The following SOBP variants were observed in gnomAD, a reference collection of about 807,000 sequenced individuals.
The protein encoded by SOBP is sine oculis-binding protein homolog.
Under a neutral mutation model 53.6 loss-of-function variants are expected in SOBP, and 4 were observed. The observed-to-expected ratio is 0.07, with a 90% confidence interval of 0.04 to 0.17. SOBP has a LOEUF of 0.17. Ranked by LOEUF, SOBP falls within the 10% of genes least tolerant of loss-of-function variation. The probability of loss-of-function intolerance (pLI) is 1.00; values close to 1 mark genes in which losing one functional copy is unlikely to be tolerated. For missense variants in SOBP, 1,088 were observed against 1,204.7 expected, an observed-to-expected ratio of 0.90 and a Z score of 1.43; for synonymous variants, 584 against 522.6, an observed-to-expected ratio of 1.12 and a Z score of -1.60.
chr6:107,530,914 T>G (rs1205964254), intron 3 of SOBP, among the ~76,000 whole-genome samples: 2 of 152,246 alleles, frequency 1.3e-5, no homozygotes, highest in Non-Finnish European at 2.9e-5. Context: ...CGTTTATTTG[T>G]TAGGTCCTTT....
At chr6:107,553,298 T>TTTTATTTA (rs750735550) in intron 4 of SOBP, among the ~76,000 whole-genome samples, 9,331 of 139,352 alleles carry the variant, frequency 0.067, 379 homozygotes, top group East Asian at 0.12. Context: ...CTTATTATTA[T>TTTTATTTA]TTTATTTATT....
At chr6:107,656,759 G>A (rs571288287) in intron 6 of SOBP, among the ~76,000 whole-genome samples, 1 of 152,124 alleles carries the variant, frequency 6.6e-6, no homozygotes, top group Non-Finnish European at 1.5e-5. Context: ...CAAGCTTCCA[G>A]GTCTCTTTGT....
chr6:107,525,482 T>C (rs1464628059), intron 3 of SOBP, among the ~76,000 whole-genome samples: 1 of 152,224 alleles, frequency 6.6e-6, no homozygotes, highest in Admixed American at 6.5e-5. Flanking sequence ...GGAAGGGACA[T>C]TGACTGTAAA....
At chr6:107,535,622 TG>T (rs1562596442) in intron 4 of SOBP, among the ~76,000 whole-genome samples, 1 of 148,252 alleles carries the variant, frequency 6.7e-6, no homozygotes, top group African/African-American at 2.6e-5. Context: ...CTTGTGTGTG[TG>T]TGTGTGTGTG....
chr6:107,585,746 T>TAG (rs1785546362), intron 4 of SOBP, among the ~76,000 whole-genome samples: 2 of 152,186 alleles, frequency 1.3e-5, no homozygotes, highest in African/African-American at 4.8e-5. Flanking sequence ...TTCCATCTAG[T>TAG]TCCCTCCCTG....
intron 3 of SOBP, among the ~76,000 whole-genome samples, chr6:107,520,135 A>G (rs1223810024): frequency 1.3e-5 from 2 of 152,246 alleles, no homozygotes; most frequent in Admixed American, 6.5e-5. Context: ...TGTCAGCCAA[A>G]GAATTTTCTA....
intron 3 of SOBP, among the ~76,000 whole-genome samples, chr6:107,512,612 C>G (rs2114958980): frequency 6.6e-6 from 1 of 152,300 alleles, no homozygotes; most frequent in Non-Finnish European, 1.5e-5. Flanking sequence ...TTTGGGTCTC[C>G]CCACCTTGTC....
intron 4 of SOBP, among the ~76,000 whole-genome samples, chr6:107,538,339 C>G (rs1228790511): frequency 6.6e-6 from 1 of 152,126 alleles, no homozygotes; most frequent in Non-Finnish European, 1.5e-5. Context: ...CTTTAAATAC[C>G]TGCAAGATTT....
At chr6:107,507,583 G>C (rs1307495580) in intron 3 of SOBP, among the ~76,000 whole-genome samples, 1 of 152,156 alleles carries the variant, frequency 6.6e-6, no homozygotes, top group Non-Finnish European at 1.5e-5. Context: ...TGGGATTACA[G>C]GTGTGAGCCA....
chr6:107,596,640 C>T (rs1048533219), intron 5 of SOBP, among the ~76,000 whole-genome samples: 4 of 152,300 alleles, frequency 2.6e-5, no homozygotes, highest in Middle Eastern at 3.4e-3. Context: ...TTACTTTTGC[C>T]TTGATTTTCC....
intron 4 of SOBP, among the ~76,000 whole-genome samples, chr6:107,569,663 C>T (rs185177903): frequency 6.6e-5 from 10 of 152,282 alleles, no homozygotes; most frequent in East Asian, 3.9e-4. Context: ...CGGCTGGGCC[C>T]GGAGATAAAA....
chr6:107,518,872 A>G (rs920312157), intron 3 of SOBP, among the ~76,000 whole-genome samples: 1 of 152,096 alleles, frequency 6.6e-6, no homozygotes, highest in African/African-American at 2.4e-5. Context: ...AATTTAAGCA[A>G]CTAAGCCCTA....
Position 107,544,706 on chromosome 6 carries a change from T to C in SOBP, c.573+11096T>C, listed in dbSNP as rs946927112. ...ATATGCGCTTTCTTTGCTAATTTCA[T>C]GTTCTTTATGAAGGAATGGCGCTTT... On this transcript the variant is annotated intron_variant, in intron 4 of 6. Transcript: ENST00000317357. 9.8e-5 allele frequency among the ~76,000 whole-genome samples: 15 copies of C among 152,360 alleles called. No individual in the cohort carries two copies. In the South Asian group the frequency reaches 2.7e-3, roughly 27 times the overall value.
At chr6:107,592,281 C>G (rs913517763) in intron 5 of SOBP, among the ~76,000 whole-genome samples, 11 of 152,116 alleles carry the variant, frequency 7.2e-5, no homozygotes, top group African/African-American at 2.7e-4. Context: ...GATTGGATGT[C>G]TTTGCAATCC....
chr6:107,566,472 A>G (rs1353758024), intron 4 of SOBP, among the ~76,000 whole-genome samples: 1 of 152,216 alleles, frequency 6.6e-6, no homozygotes, highest in Non-Finnish European at 1.5e-5. Context: ...GTTACTGTGT[A>G]TTTTAGCCAG....
At position 107,569,558 on chromosome 6, in the gene SOBP, T is replaced by A. The variant is rs533177340; in HGVS notation, c.574-17522T>A. 2.6e-5 allele frequency among the ~76,000 whole-genome samples: 4 copies of A among 152,340 alleles called. No individual in the cohort carries two copies. In the South Asian group the frequency reaches 8.3e-4, roughly 32 times the overall value. ...CAACTTTTCGTTACTTTGGCTTTTT[T>A]TGGCTAGTGTTGCATCTTATAAGTC... On this transcript the variant is annotated intron_variant, in intron 4 of 6. Transcript: ENST00000317357.
chr6:107,651,954 C>G (rs114815406), intron 6 of SOBP, among the ~76,000 whole-genome samples: 298 of 152,256 alleles, frequency 2.0e-3, no homozygotes, highest in African/African-American at 6.9e-3. Flanking sequence ...AGACCCACTG[C>G]TCAGGAAAAA....
chr6:107,557,389 A>G (rs1045216805), intron 4 of SOBP, among the ~76,000 whole-genome samples: 8 of 152,240 alleles, frequency 5.3e-5, no homozygotes, highest in African/African-American at 9.6e-5. Flanking sequence ...GCTTTGTACA[A>G]GCAGAAATTT....
chr6:107,618,496 G>C (rs1335337825), intron 5 of SOBP, among the ~76,000 whole-genome samples: 1 of 152,212 alleles, frequency 6.6e-6, no homozygotes, highest in Non-Finnish European at 1.5e-5. Context: ...GAGATAAAAT[G>C]ATCAACATGA....
Sources: gnomAD v4.1 joint callset for allele counts (sites outside exome capture counted in the v4.1 genomes callset) on GRCh38, gnomAD v4.1.1 for gene constraint, MANE v1.5 for transcripts, NCBI Gene and HGNC (gene_info 2026-07-23, HGNC 2026-07-21) for gene names.